The following PSTPIP2 variants were observed in gnomAD, a reference collection of about 807,000 sequenced individuals.
The protein encoded by PSTPIP2 is proline-serine-threonine phosphatase interacting protein 2.
PSTPIP2 carries 33 observed loss-of-function variants against 63.3 expected under a neutral mutation model. That is an observed-to-expected ratio of 0.52 (90% confidence interval 0.40 to 0.70). PSTPIP2 has a LOEUF of 0.70. Among genes scored for constraint, PSTPIP2 ranks in the 30% least tolerant of loss-of-function variants. The probability of loss-of-function intolerance (pLI) is 0.00; values close to 1 mark genes in which losing one functional copy is unlikely to be tolerated. For missense variants in PSTPIP2, 312 were observed against 400.7 expected, an observed-to-expected ratio of 0.78 and a Z score of 1.89; for synonymous variants, 125 against 132.7, an observed-to-expected ratio of 0.94 and a Z score of 0.40.
chr18:46,069,540 C>T lies in PSTPIP2; in HGVS notation c.33+2616G>A, dbSNP rs149225176. ...GGGTCTCACTATGTTGCCCAGCCTCCTTAGTAGCTGGGACTACAGGCACAC... is the reference window on the plus strand; with the variant it reads ...GGGTCTCACTATGTTGCCCAGCCTCTTTAGTAGCTGGGACTACAGGCACAC... On this transcript the variant is annotated intron_variant, in intron 1 of 14. Coordinates refer to ENST00000409746, the MANE Select transcript of PSTPIP2 (RefSeq NM_024430.4). 2.1e-3 allele frequency among the ~76,000 whole-genome samples: 319 copies of T among 152,270 alleles called. 2 individuals are homozygous for T. The highest frequency in any genetic ancestry group is 7.2e-3 in the African/African-American group (298 of 41,548).
chr18:46,003,820 G>A (rs908146012), intron 6 of PSTPIP2, among the ~76,000 whole-genome samples: 6 of 149,686 alleles, frequency 4.0e-5, no homozygotes, highest in African/African-American at 1.2e-4. Context: ...GCAATAGTGC[G>A]ATCTCGGCTC....
rs1293365727 is a variant in PSTPIP2, at chr18:45,992,163, T to C, written c.781A>G (p.Ile261Val). 2 of 1,606,338 alleles carry C rather than the reference T, an allele frequency of 1.2e-6. No individual in the cohort carries two copies. The highest frequency in any genetic ancestry group is 1.7e-6 in the Non-Finnish European group (2 of 1,176,044). ...ACAAAGTATTCAATGTCCCTCTGAA[T>C]GCTGCACATTTCTAAACTCTTTCGG... ...QVRKSLEMCSIQRDIEYFVNQ... is the reference protein window; with the variant it reads ...QVRKSLEMCSVQRDIEYFVNQ... The change falls in exon 11 of 15, where the codon ATT becomes GTT. Residue 261 changes from isoleucine (I) to valine (V), a missense_variant. Physicochemically the swap from Ile to Val is conservative, Grantham distance 29 (BLOSUM62 3). Coordinates refer to ENST00000409746, the MANE Select transcript of PSTPIP2 (RefSeq NM_024430.4).
chr18:46,050,399 A>G (rs1908546003), intron 1 of PSTPIP2, among the ~76,000 whole-genome samples: 1 of 152,028 alleles, frequency 6.6e-6, no homozygotes, highest in Non-Finnish European at 1.5e-5. Context: ...GCAAAACCCC[A>G]TCTCTACAAA....
intron 1 of PSTPIP2, among the ~76,000 whole-genome samples, chr18:46,048,651 C>T (rs1050352248): frequency 6.6e-6 from 1 of 152,158 alleles, no homozygotes; most frequent in African/African-American, 2.4e-5. Context: ...TACAAAATAA[C>T]TCTCCCATAC....
rs1262343151 is a variant in PSTPIP2 at position 45,999,499 on chromosome 18, T to C, written c.453A>G (p.Lys151=). The C allele has an allele frequency of 6.2e-7, 1 of 1,614,234 alleles. No homozygotes were observed. Among genetic ancestry groups the C allele is most frequent in the Admixed American group, 1.7e-5 (1 of 60,028 alleles). The stretch of plus-strand genomic sequence containing the variant: ...GGCTGACGGCCTGTTCTGCCTCATC[T>C]TTGTCCCGGCATTTCTGCTCATAGT... The part of the protein sequence containing the change: ...KKNYEQKCRD[K]DEAEQAVSRS... The change falls in exon 7 of 15, where the codon AAA becomes AAG. Residue 151 remains lysine (K), a synonymous_variant. Transcript: ENST00000409746.
chr18:46,064,282 C>CTTTTTTTTTTTTTTT (rs56236802), intron 1 of PSTPIP2, among the ~76,000 whole-genome samples: 15 of 71,538 alleles, frequency 2.1e-4, no homozygotes, highest in Non-Finnish European at 2.7e-4. Flanking sequence ...CTTTTTCTTT[C>CTTTTTTTTTTTTTTT]TTTTTTTTTT....
At chr18:46,061,175 G>A (rs1367889575) in intron 1 of PSTPIP2, among the ~76,000 whole-genome samples, 6 of 151,978 alleles carry the variant, frequency 3.9e-5, no homozygotes, top group Non-Finnish European at 8.8e-5. Context: ...ATGGTGGTGC[G>A]TGCCTGTAAT....
chr18:46,063,867 C>A (rs1909077578), intron 1 of PSTPIP2, among the ~76,000 whole-genome samples: 1 of 152,186 alleles, frequency 6.6e-6, no homozygotes, highest in Non-Finnish European at 1.5e-5. Flanking sequence ...GTGAAACTAG[C>A]ATCCGCACAT....
intron 14 of PSTPIP2, among the ~76,000 whole-genome samples, chr18:45,987,690 A>G (rs991418731): frequency 6.6e-6 from 1 of 152,168 alleles, no homozygotes; most frequent in Admixed American, 6.5e-5. Flanking sequence ...TTTTACCCCA[A>G]GATAAGCCCA....
intron 1 of PSTPIP2, 123 bp downstream of exon 1, chr18:46,072,033 A>G (rs1477746573): frequency 1.5e-5 from 19 of 1,271,962 alleles, no homozygotes; most frequent in Non-Finnish European, 2.0e-5. Context: ...AGCTCCGCCA[A>G]GCCCCCGGGC....
chr18:45,998,695 CTCTT>C, intron 8 of PSTPIP2, 95 bp downstream of exon 8: 1 of 1,207,862 alleles, frequency 8.3e-7, no homozygotes, highest in Non-Finnish European at 1.2e-6. Flanking sequence ...CATATATTCT[CTCTT>C]TAAGGTATAT....
At position 45,984,543 on chromosome 18, in the gene PSTPIP2, T is replaced by C. The variant is rs1184188177; in HGVS notation, c.*916A>G. The C allele has an allele frequency of 2.6e-5, 4 of 152,236 alleles. No homozygotes were observed. Among genetic ancestry groups the C allele is most frequent in the Non-Finnish European group, 4.4e-5 (3 of 68,042 alleles). The allele number at this position is 152,236 out of a possible 1,614,324, so 9.4% of individuals were successfully genotyped here. On this transcript the variant is annotated 3_prime_UTR_variant, in exon 15 of 15. Transcript: ENST00000409746. Reference sequence around the variant, plus strand: ...ATATGGTATTTCATTGATTCTAAGATGTATTTTTTTCATACTTTAGCATCT... The same window carrying C: ...ATATGGTATTTCATTGATTCTAAGACGTATTTTTTTCATACTTTAGCATCT...
At chr18:46,044,944 C>A (rs1204585701) in intron 1 of PSTPIP2, among the ~76,000 whole-genome samples, 1 of 152,176 alleles carries the variant, frequency 6.6e-6, no homozygotes, top group Admixed American at 6.5e-5. Context: ...AAATGCAAAT[C>A]AAAACCACAA....
chr18:46,012,430 A>G (rs1568216226), intron 4 of PSTPIP2, among the ~76,000 whole-genome samples: 1 of 152,246 alleles, frequency 6.6e-6, no homozygotes, highest in Non-Finnish European at 1.5e-5. Context: ...GATGTATAGT[A>G]TAACAGCATA....
At chr18:46,056,153 T>G (rs1036615544) in intron 1 of PSTPIP2, among the ~76,000 whole-genome samples, 1 of 152,188 alleles carries the variant, frequency 6.6e-6, no homozygotes, top group African/African-American at 2.4e-5. Flanking sequence ...CTGGCTTCGC[T>G]TCTTATGTCC....
intron 4 of PSTPIP2, among the ~76,000 whole-genome samples, chr18:46,013,680 G>A (rs1277198053): frequency 6.6e-6 from 1 of 151,918 alleles, no homozygotes; most frequent in Non-Finnish European, 1.5e-5. Context: ...GGATGCTGAG[G>A]GCACTATGAC....
chr18:45,988,964 G>A (rs1346598655), intron 13 of PSTPIP2, among the ~76,000 whole-genome samples: 2 of 152,130 alleles, frequency 1.3e-5, no homozygotes, highest in African/African-American at 4.8e-5. Context: ...TGACTTCTTT[G>A]CCCTTTTTCA....
At chr18:45,993,528 A>G in intron 10 of PSTPIP2, 77 bp downstream of exon 10, 1 of 1,397,582 alleles carries the variant, frequency 7.2e-7, no homozygotes, top group Non-Finnish European at 1.0e-6. Flanking sequence ...AAGTGAACCA[A>G]TCAATATCTA....
chr18:46,021,604 C>A (rs1005424659), intron 3 of PSTPIP2, among the ~76,000 whole-genome samples: 2 of 151,302 alleles, frequency 1.3e-5, no homozygotes, highest in African/African-American at 2.4e-5. Flanking sequence ...CCATTCCCTG[C>A]CAGGGCCTAC....
Sources: allele counts gnomAD v4.1 joint callset (sites outside exome capture counted in the v4.1 genomes callset), GRCh38; gene constraint gnomAD v4.1.1; transcripts MANE v1.5; gene names NCBI Gene and HGNC (gene_info 2026-07-23, HGNC 2026-07-21).